The following RBPJ variants were observed in gnomAD, a reference collection of about 807,000 sequenced individuals.
RBPJ encodes recombination signal binding protein for immunoglobulin kappa J region, also known as recombining binding protein suppressor of hairless.
Under a neutral mutation model 67.8 loss-of-function variants are expected in RBPJ, and 9 were observed. The observed-to-expected ratio is 0.13, with a 90% confidence interval of 0.08 to 0.23. RBPJ has a LOEUF of 0.23. Ranked by LOEUF, RBPJ falls within the 10% of genes least tolerant of loss-of-function variation. RBPJ has a pLI of 1.00. For missense variants in RBPJ, 305 were observed against 595.6 expected (o/e 0.51, Z 5.08); for synonymous variants, 198 against 203.3 (o/e 0.97, Z 0.22).
intron 1 of RBPJ, among the ~76,000 whole-genome samples, chr4:26,250,582 C>T (rs897289902): frequency 6.6e-6 from 1 of 152,142 alleles, no homozygotes; most frequent in Non-Finnish European, 1.5e-5. Flanking sequence ...ATCCACCCAC[C>T]TTGGCTTCCC....
chr4:26,333,959 A>G (rs1460554016), intron 1 of RBPJ, among the ~76,000 whole-genome samples: 1 of 152,090 alleles, frequency 6.6e-6, no homozygotes, highest in Non-Finnish European at 1.5e-5. Flanking sequence ...GAGCCACTGT[A>G]CATGGCTCGG....
chr4:26,160,197 C>T (rs1300776974), upstream of RBPJ, among the ~76,000 whole-genome samples: 1 of 152,076 alleles, frequency 6.6e-6, no homozygotes, highest in Admixed American at 6.5e-5. Flanking sequence ...GGATTACAGG[C>T]GTGAGCCACC....
chr4:26,231,010 A>C (rs370610246), intron 1 of RBPJ, among the ~76,000 whole-genome samples: 3 of 152,320 alleles, frequency 2.0e-5, no homozygotes, highest in African/African-American at 7.2e-5. Flanking sequence ...AAACAAGGAA[A>C]CGCATAAGCA....
the RBPJ span, among the ~76,000 whole-genome samples, chr4:26,132,753 G>A: frequency 7.2e-5 from 11 of 152,094 alleles, no homozygotes; most frequent in Admixed American, 2.0e-4. Flanking sequence ...ACTGTCACTG[G>A]GGTGTAACCA....
chr4:26,126,091 C>A, the RBPJ span, among the ~76,000 whole-genome samples: 1 of 152,198 alleles, frequency 6.6e-6, no homozygotes, highest in Non-Finnish European at 1.5e-5. Context: ...TCTTTGCATT[C>A]CTGAAGGAGC....
chr4:26,407,221 A>G (rs1733510842), intron 3 of RBPJ, among the ~76,000 whole-genome samples: 1 of 152,238 alleles, frequency 6.6e-6, no homozygotes. Context: ...AAAAGGCTGA[A>G]TAAGCTCTTG....
chr4:26,388,595 TAC>T (rs200399357), intron 2 of RBPJ, among the ~76,000 whole-genome samples: 25 of 119,590 alleles, frequency 2.1e-4, no homozygotes, highest in African/African-American at 6.3e-4. Context: ...CATAGAAGAT[TAC>T]ACACACACTC....
At position 26,424,951 on chromosome 4, in the gene RBPJ, G is replaced by C. The variant is rs1440424133; in HGVS notation, c.747+208G>C. On this transcript the variant is annotated intron_variant, in intron 7 of 10. Transcript: ENST00000355476. This position sits in a 1 kb window ranked among gnomAD's most constrained non-coding sequence, Gnocchi z 5.3. Reference sequence around the variant, plus strand: ...TTAAGGTAATAGCCAGTTTTTACAAGTACATTCTTAATGATTTTTTCTTAA... The same window carrying C: ...TTAAGGTAATAGCCAGTTTTTACAACTACATTCTTAATGATTTTTTCTTAA... The C allele has an allele frequency of 6.7e-6, 3 of 450,176 alleles. No individual in the cohort carries two copies. In the East Asian group the frequency reaches 1.0e-4, roughly 15 times the overall value. The allele number at this position is 450,176 out of a possible 1,614,324, so 27.9% of individuals were successfully genotyped here.
chr4:26,254,045 G>C (rs1720210898), intron 1 of RBPJ, among the ~76,000 whole-genome samples: 2 of 148,532 alleles, frequency 1.3e-5, no homozygotes, highest in South Asian at 4.2e-4. Context: ...TAACAAGTTT[G>C]GGAACATGCC....
intron 1 of RBPJ, among the ~76,000 whole-genome samples, chr4:26,275,548 G>A (rs112698753): frequency 6.6e-6 from 1 of 152,318 alleles, no homozygotes; most frequent in Non-Finnish European, 1.5e-5. Flanking sequence ...GTCAGTCGCC[G>A]GAGAAAAACC....
intron 1 of RBPJ, among the ~76,000 whole-genome samples, chr4:26,193,053 G>A (rs1419366487): frequency 6.6e-6 from 1 of 152,172 alleles, no homozygotes; most frequent in Non-Finnish European, 1.5e-5. Context: ...AAGGAGCCAT[G>A]AGCCAAGGAA....
chr4:26,362,902 TCAC>T (rs1424835291), intron 1 of RBPJ, among the ~76,000 whole-genome samples: 4 of 152,210 alleles, frequency 2.6e-5, no homozygotes, highest in Non-Finnish European at 5.9e-5. Context: ...GTAATTTCAT[TCAC>T]CAAATAGTTT....
At chr4:26,334,552 C>G (rs1333843347) in intron 1 of RBPJ, among the ~76,000 whole-genome samples, 1 of 152,156 alleles carries the variant, frequency 6.6e-6, no homozygotes, top group Non-Finnish European at 1.5e-5. Flanking sequence ...AAAGGGGCTG[C>G]AAGACTAGGC....
At chr4:26,246,771 G>A (rs1475633359) in intron 1 of RBPJ, among the ~76,000 whole-genome samples, 1 of 152,092 alleles carries the variant, frequency 6.6e-6, no homozygotes, top group Non-Finnish European at 1.5e-5. Context: ...CCTGCTTTAA[G>A]TCTGTTGCCT....
chr4:26,142,818 G>A, the RBPJ span, among the ~76,000 whole-genome samples: 21 of 152,178 alleles, frequency 1.4e-4, no homozygotes, highest in Non-Finnish European at 2.6e-4. Context: ...GTCTCGTTCT[G>A]TTGCCCAAGC....
upstream of RBPJ, among the ~76,000 whole-genome samples, chr4:26,317,725 C>T (rs1285123426): frequency 6.6e-6 from 1 of 152,124 alleles, no homozygotes; most frequent in Non-Finnish European, 1.5e-5. Context: ...GATTTTCCGT[C>T]CAATTGTATC....
intron 1 of RBPJ, 82 bp downstream of exon 1, chr4:26,321,130 G>A (rs1722987317): frequency 5.1e-6 from 6 of 1,173,496 alleles, no homozygotes; most frequent in South Asian, 1.4e-5. Flanking sequence ...GGGTTCGGGG[G>A]CCGCGGCGCG....
intron 1 of RBPJ, among the ~76,000 whole-genome samples, chr4:26,283,270 C>T (rs985997324): frequency 6.7e-6 from 1 of 149,974 alleles, no homozygotes; most frequent in Non-Finnish European, 1.5e-5. Flanking sequence ...CTGGGCCAGG[C>T]GCAGTGGCTC....
At chr4:26,231,864 T>C (rs963364076) in intron 1 of RBPJ, among the ~76,000 whole-genome samples, 3 of 151,300 alleles carry the variant, frequency 2.0e-5, no homozygotes, top group African/African-American at 7.3e-5. Flanking sequence ...CTTTATTTTT[T>C]TTTAATTTTA....
Sources: gnomAD v4.1 joint callset for allele counts (sites outside exome capture counted in the v4.1 genomes callset) on GRCh38, gnomAD v4.1.1 for gene constraint, Gnocchi (gnomAD v3.1) non-coding constraint, MANE v1.5 for transcripts, NCBI Gene and HGNC (gene_info 2026-07-23, HGNC 2026-07-21) for gene names.